Variants in TANC2 observed in about 807,000 individuals in gnomAD.
TANC2 encodes the protein tetratricopeptide repeat, ankyrin repeat and coiled-coil containing 2.
TANC2 carries 26 observed loss-of-function variants against 210.5 expected under a neutral mutation model. That is an observed-to-expected ratio of 0.12 (90% CI 0.09 to 0.17). The LOEUF (loss-of-function observed/expected upper bound fraction) is 0.17, where lower values mean the gene tolerates loss of function less well. Among genes scored for constraint, TANC2 ranks in the 10% least tolerant of loss-of-function variants. The pLI, the probability that TANC2 is intolerant of heterozygous loss-of-function variation, is 1.00. For missense variants in TANC2, 2,129 were observed against 2,608.9 expected (o/e 0.82, Z 4.01); for synonymous variants, 931 against 967.1 (o/e 0.96, Z 0.69).
chr17:63,205,220 T>C (rs959907250), intron 7 of TANC2, among the ~76,000 whole-genome samples: 1 of 151,940 alleles, frequency 6.6e-6, no homozygotes, highest in Non-Finnish European at 1.5e-5. Flanking sequence ...GAAAATTGAA[T>C]ATTGACATGC....
intron 1 of TANC2, among the ~76,000 whole-genome samples, chr17:62,981,055 G>C (rs1156510380): frequency 6.6e-6 from 1 of 152,186 alleles, no homozygotes; most frequent in Non-Finnish European, 1.5e-5. Flanking sequence ...CGAGCAAACA[G>C]CTATGTTGAC....
chr17:63,146,528 T>G (rs1224361881), intron 4 of TANC2, among the ~76,000 whole-genome samples: 1 of 152,176 alleles, frequency 6.6e-6, no homozygotes, highest in Non-Finnish European at 1.5e-5. Flanking sequence ...TTGGTACTTT[T>G]ATTGTTCTGC....
chr17:62,999,895 A>G (rs962087508), intron 1 of TANC2, among the ~76,000 whole-genome samples: 1 of 152,252 alleles, frequency 6.6e-6, no homozygotes, highest in African/African-American at 2.4e-5. Flanking sequence ...ATGTAATACT[A>G]TGCAGGCATA....
At chr17:63,286,044 G>T (rs551445003) in intron 9 of TANC2, among the ~76,000 whole-genome samples, 3 of 152,088 alleles carry the variant, frequency 2.0e-5, no homozygotes, top group African/African-American at 7.2e-5. Flanking sequence ...ATTTCCATTT[G>T]TCCCCTCCCA....
chr17:63,426,679 CCTG>C (rs1369376055), exon 28 of TANC2: 2 of 152,262 alleles, frequency 1.3e-5, no homozygotes, highest in Admixed American at 6.5e-5. Flanking sequence ...CTCATTGCCT[CCTG>C]CTGACTCTGA....
At chr17:63,398,110 T>C (rs1331297814) in intron 18 of TANC2, among the ~76,000 whole-genome samples, 1 of 152,164 alleles carries the variant, frequency 6.6e-6, no homozygotes, top group African/African-American at 2.4e-5. Context: ...GAACAGTCCT[T>C]ATACATCTGA....
chr17:63,387,202 A>G (rs535376972), intron 15 of TANC2, among the ~76,000 whole-genome samples: 2 of 152,292 alleles, frequency 1.3e-5, no homozygotes, highest in East Asian at 3.9e-4. Context: ...TGGTTGCATC[A>G]GAATATCCCC....
At chr17:63,233,496 G>A (rs2042538453) in intron 7 of TANC2, among the ~76,000 whole-genome samples, 1 of 152,220 alleles carries the variant, frequency 6.6e-6, no homozygotes. Context: ...TGTGGCTCCT[G>A]AGTGGGCCAT....
At chr17:63,360,545 A>G (rs2046927009) in intron 14 of TANC2, among the ~76,000 whole-genome samples, 1 of 152,188 alleles carries the variant, frequency 6.6e-6, no homozygotes, top group Non-Finnish European at 1.5e-5. Context: ...ATATGGTTAC[A>G]TGAGATATTT....
At chr17:62,990,422 A>G (rs2032798698) in intron 1 of TANC2, among the ~76,000 whole-genome samples, 1 of 151,958 alleles carries the variant, frequency 6.6e-6, no homozygotes, top group Non-Finnish European at 1.5e-5. Flanking sequence ...GACTGCAGGC[A>G]TGTACCATCA....
At chr17:63,308,371 C>T (rs2044997514) in intron 9 of TANC2, among the ~76,000 whole-genome samples, 1 of 152,072 alleles carries the variant, frequency 6.6e-6, no homozygotes, top group Non-Finnish European at 1.5e-5. Flanking sequence ...GCCTTCATCA[C>T]ATTTTCTGGG....
At chr17:63,207,211 C>CTTTTTTTTTTTT (rs948663767) in intron 7 of TANC2, among the ~76,000 whole-genome samples, 5 of 113,804 alleles carry the variant, frequency 4.4e-5, no homozygotes, top group African/African-American at 7.1e-5. Flanking sequence ...TTTTTTTTTC[C>CTTTTTTTTTTTT]TTTTTTTTTT....
chr17:63,304,860 C>T (rs912739564), intron 9 of TANC2, among the ~76,000 whole-genome samples: 5 of 152,198 alleles, frequency 3.3e-5, no homozygotes, highest in Non-Finnish European at 5.9e-5. Flanking sequence ...ACTCTGTCCG[C>T]GGTCTGCCAC....
intron 9 of TANC2, among the ~76,000 whole-genome samples, chr17:63,309,760 G>GA (rs1208532408): frequency 6.7e-6 from 1 of 148,734 alleles, no homozygotes; most frequent in Non-Finnish European, 1.5e-5. Context: ...AAAATCTATT[G>GA]AAAAAATAAG....
At chr17:63,133,620 G>T (rs1240477689) in intron 4 of TANC2, among the ~76,000 whole-genome samples, 2 of 152,076 alleles carry the variant, frequency 1.3e-5, no homozygotes, top group Non-Finnish European at 2.9e-5. Flanking sequence ...GTCCAAGTCT[G>T]TTTCTTCCTC....
intron 8 of TANC2, among the ~76,000 whole-genome samples, chr17:63,259,910 TTTTG>T (rs1353050284): frequency 6.6e-6 from 1 of 152,188 alleles, no homozygotes; most frequent in Admixed American, 6.5e-5. Flanking sequence ...TTTTGGGGGC[TTTTG>T]TTTGTTTTTT....
At chr17:63,029,030 T>G (rs972156603) in intron 2 of TANC2, among the ~76,000 whole-genome samples, 2 of 152,132 alleles carry the variant, frequency 1.3e-5, no homozygotes, top group African/African-American at 4.8e-5. Context: ...AGTATCCTTA[T>G]GTATTTGAAG....
At chr17:63,180,551 A>G (rs1458311397) in intron 5 of TANC2, among the ~76,000 whole-genome samples, 2 of 152,152 alleles carry the variant, frequency 1.3e-5, no homozygotes, top group African/African-American at 4.8e-5. Flanking sequence ...GAAGCTGAGA[A>G]ACTTTCTAGT....
intron 11 of TANC2, among the ~76,000 whole-genome samples, chr17:63,321,159 C>T (rs2045481088): frequency 6.6e-6 from 1 of 151,814 alleles, no homozygotes; most frequent in South Asian, 2.1e-4. Flanking sequence ...GATTGCGCCA[C>T]TGCACTTTAG....
Sources: allele counts gnomAD v4.1 joint callset (sites outside exome capture counted in the v4.1 genomes callset), GRCh38; gene constraint gnomAD v4.1.1; transcripts MANE v1.5; gene names NCBI Gene and HGNC (gene_info 2026-07-23, HGNC 2026-07-21).